Variants in ZDHHC11B observed in about 807,000 individuals in gnomAD.
ZDHHC11B encodes the protein zDHHC palmitoyltransferase 11B (putative).
Under a neutral mutation model 42.3 loss-of-function variants are expected in ZDHHC11B, and 17 were observed. That is an observed-to-expected ratio of 0.40 (90% CI 0.27 to 0.60). The LOEUF is 0.60. Among genes scored for constraint, ZDHHC11B ranks in the 20% least tolerant of loss-of-function variants. The pLI is 0.41. For missense variants in ZDHHC11B, 262 were observed against 463.2 expected, an observed-to-expected ratio of 0.57 and a Z score of 3.99; for synonymous variants, 123 against 193.5, an observed-to-expected ratio of 0.64 and a Z score of 3.02.
At chr5:751,772 C>T (rs1197691106) in intron 6 of ZDHHC11B, among the ~76,000 whole-genome samples, 1 of 125,442 alleles carries the variant, frequency 8.0e-6, no homozygotes, top group Non-Finnish European at 1.8e-5. Flanking sequence ...AGGCCTCTCG[C>T]TGGAGAGGGG....
At chr5:752,118 C>T (rs1180955817) in intron 6 of ZDHHC11B, among the ~76,000 whole-genome samples, 14 of 122,232 alleles carry the variant, frequency 1.1e-4, no homozygotes, top group African/African-American at 3.7e-4. Flanking sequence ...GTGCTGGGGT[C>T]TCCATGGCAC....
rs576561397 is a variant in ZDHHC11B at position 748,152 on chromosome 5, C to T, written c.784+252G>A. 78 of 570,572 alleles carry T rather than the reference C, an allele frequency of 1.4e-4. 1 individual carries two copies. Among genetic ancestry groups the T allele is most frequent in the African/African-American group, 1.2e-3 (64 of 55,008 alleles). The allele number at this position is 570,572 out of a possible 1,614,324, so 35.3% of individuals were successfully genotyped here. A position where few individuals can be genotyped will look rare whatever the true frequency, so the allele number is the denominator to read the frequency against. On this transcript the variant is annotated intron_variant, in intron 8 of 13. Transcript: ENST00000508859. Reference sequence around the variant, plus strand: ...CCGGCAGCGCTCCTGCAGGTCTCAGCGTTGAGTTCAGCTTCTTGCTGGGCC... The same window carrying T: ...CCGGCAGCGCTCCTGCAGGTCTCAGTGTTGAGTTCAGCTTCTTGCTGGGCC...
chr5:752,498 T>TA (rs1745907264), intron 6 of ZDHHC11B, among the ~76,000 whole-genome samples: 1 of 67,492 alleles, frequency 1.5e-5, no homozygotes, highest in East Asian at 5.2e-4. Context: ...ATATTTTTTT[T>TA]AAAGTATCCT....
At chr5:759,070 T>C (rs1488817184) in intron 4 of ZDHHC11B, among the ~76,000 whole-genome samples, 1 of 151,906 alleles carries the variant, frequency 6.6e-6, no homozygotes, top group African/African-American at 2.4e-5. Context: ...TAGTGTTTTA[T>C]GTTCCAATGA....
At chr5:719,927 A>C (rs1239135923) in intron 12 of ZDHHC11B, among the ~76,000 whole-genome samples, 1 of 151,776 alleles carries the variant, frequency 6.6e-6, no homozygotes, top group Non-Finnish European at 1.5e-5. Context: ...CTGCCCACCC[A>C]GGACATGAAT....
In ZDHHC11B at chr5:780,604, C is replaced by T. The variant is rs1212783628; in HGVS notation, c.-230+4064G>A. ...GGACGGTAAGACCCCATCCCACTCC[C>T]GGAACATGAAGAGAGGCGGCCCAGA... On this transcript the variant is annotated intron_variant, in intron 1 of 13. Coordinates refer to ENST00000508859, the MANE Select transcript of ZDHHC11B (RefSeq NM_001351303.2). Among the ~76,000 whole-genome samples the T allele has an allele frequency of 4.4e-5, 6 of 136,072 alleles. No homozygotes were observed. The East Asian group carries it at 1.4e-3, about 32-fold the overall frequency. The allele number at this position is 136,072 out of a possible 152,430, so 89.3% of individuals were successfully genotyped here.
chr5:724,173 T>C (rs1305324667), intron 12 of ZDHHC11B, among the ~76,000 whole-genome samples: 1 of 151,286 alleles, frequency 6.6e-6, no homozygotes, highest in African/African-American at 2.4e-5. Flanking sequence ...CGTCTGCATG[T>C]GTCTCCAACA....
chr5:737,702 T>G (rs1743696755), intron 10 of ZDHHC11B, among the ~76,000 whole-genome samples: 1 of 149,366 alleles, frequency 6.7e-6, no homozygotes, highest in Non-Finnish European at 1.5e-5. Context: ...AAACAAAAAA[T>G]CAGAGATCAT....
chr5:776,420 A>T (rs1483343275), intron 1 of ZDHHC11B, among the ~76,000 whole-genome samples: 4 of 151,814 alleles, frequency 2.6e-5, no homozygotes, highest in African/African-American at 7.3e-5. Context: ...CCCCCCAGTA[A>T]ATCCGAAGCA....
At chr5:763,108 G>T (rs1362836612) in intron 4 of ZDHHC11B, among the ~76,000 whole-genome samples, 1 of 151,846 alleles carries the variant, frequency 6.6e-6, no homozygotes, top group African/African-American at 2.4e-5. Context: ...GGTGGCTCAC[G>T]CCTATAATCC....
At chr5:716,173 G>A (rs1741736534) in intron 13 of ZDHHC11B, among the ~76,000 whole-genome samples, 1 of 151,046 alleles carries the variant, frequency 6.6e-6, no homozygotes, top group Non-Finnish European at 1.5e-5. Flanking sequence ...CTTAGCTGAG[G>A]GGATATAGTA....
At position 752,589 on chromosome 5, in the gene ZDHHC11B, C is replaced by T. The variant is rs1435691962; in HGVS notation, c.504-1332G>A. Among the ~76,000 whole-genome samples, 2 of 94,306 alleles carry T rather than the reference C, an allele frequency of 2.1e-5. 1 individual carries two copies. The highest frequency in any genetic ancestry group is 5.0e-5 in the Non-Finnish European group (2 of 40,010). 61.9% of individuals were successfully genotyped at this position (94,306 alleles called of 152,430 possible). A position where few individuals can be genotyped will look rare whatever the true frequency, so the allele number is the denominator to read the frequency against. ...CCTTTTTCTATTTTCAACTGGAGGC[C>T]AGAGCATGAATGCCGCAGTCGTCCG... On this transcript the variant is annotated intron_variant, in intron 6 of 13. Transcript: ENST00000508859.
intron 4 of ZDHHC11B, 147 bp downstream of exon 4, chr5:766,551 C>A (rs1288694513): frequency 1.5e-5 from 14 of 940,200 alleles, no homozygotes; most frequent in Non-Finnish European, 2.2e-5. Flanking sequence ...GCCACTGGGC[C>A]CACCTGCAGG....
intron 6 of ZDHHC11B, among the ~76,000 whole-genome samples, chr5:751,705 G>T (rs1349304403): frequency 3.9e-5 from 5 of 128,386 alleles, no homozygotes; most frequent in African/African-American, 1.3e-4. Flanking sequence ...TCCCGACCAT[G>T]CCTGGAAGCT....
intron 1 of ZDHHC11B, among the ~76,000 whole-genome samples, chr5:772,838 G>A (rs1199691642): frequency 6.6e-5 from 10 of 151,796 alleles, no homozygotes; most frequent in Admixed American, 6.6e-4. Context: ...CTCACGTGGG[G>A]ACTCGCCTCA....
chr5:729,353 C>G (rs887377977), intron 12 of ZDHHC11B, among the ~76,000 whole-genome samples: 6 of 151,104 alleles, frequency 4.0e-5, no homozygotes, highest in Admixed American at 2.0e-4. Flanking sequence ...AGGTCCTAGG[C>G]CAGGACGGCT....
Position 745,231 on chromosome 5 carries a change from T to G in ZDHHC11B, c.852A>C (p.Gln284His). 1 of 1,607,796 alleles carries G rather than the reference T, an allele frequency of 6.2e-7. No individual in the cohort carries two copies. The highest frequency in any genetic ancestry group is 8.5e-7 in the Non-Finnish European group (1 of 1,177,420). The change falls in exon 9 of 14, where the codon CAA becomes CAC. Residue 284 changes from glutamine (Q) to histidine (H), a missense_variant. This residue lies in a region of ZDHHC11B where 57 missense variants were observed against 103.3 expected (regional missense o/e 0.55). Transcript: ENST00000508859. ...GCACGTATGGATCTTTCCTCACTGC[T>G]TGATGTTTTGAACTCTCTTCTTTGC... ...NTRKEESSKHQAVRKDPYVQM... is the reference protein window; with the variant it reads ...NTRKEESSKHHAVRKDPYVQM...
At chr5:761,025 G>A (rs1734537659) in intron 4 of ZDHHC11B, among the ~76,000 whole-genome samples, 1 of 151,850 alleles carries the variant, frequency 6.6e-6, no homozygotes, top group African/African-American at 2.4e-5. Context: ...GAAAAGGCAG[G>A]CGGGCGCTGT....
chr5:763,096 G>A (rs543624593), intron 4 of ZDHHC11B, among the ~76,000 whole-genome samples: 4 of 151,984 alleles, frequency 2.6e-5, no homozygotes, highest in Admixed American at 6.6e-5. Flanking sequence ...TCAGCTAGGC[G>A]CGGTGGCTCA....
Sources: allele counts gnomAD v4.1 joint callset (sites outside exome capture counted in the v4.1 genomes callset), GRCh38; gene constraint gnomAD v4.1.1; regional missense constraint gnomAD v4.1.1; transcripts MANE v1.5; gene names NCBI Gene and HGNC (gene_info 2026-07-23, HGNC 2026-07-21).